Variants in MEI4 observed in about 807,000 individuals in gnomAD.
MEI4 encodes the protein meiotic double-stranded break formation protein 4, also known as meiosis-specific protein MEI4.
In MEI4, 27 loss-of-function variants were observed where a neutral mutation model predicts 31.4. The ratio of observed to expected loss-of-function variants is 0.86; its 90% CI spans 0.63 to 1.19. The LOEUF is 1.19. Among genes scored for constraint, MEI4 ranks in the 50% most tolerant of loss-of-function variants. MEI4 has a pLI of 0.00. For synonymous variants in MEI4, 122 were observed against 145.4 expected (o/e 0.84, Z 1.16); for missense variants, 329 against 398.9 (o/e 0.82, Z 1.49).
At chr6:77,702,360 T>C (rs890669314) in intron 2 of MEI4, among the ~76,000 whole-genome samples, 1 of 152,190 alleles carries the variant, frequency 6.6e-6, no homozygotes, top group African/African-American at 2.4e-5. Context: ...AGCATTTCTC[T>C]CTCAGTTCCC....
chr6:77,785,557 C>T (rs1444702979), intron 3 of MEI4, among the ~76,000 whole-genome samples: 3 of 152,106 alleles, frequency 2.0e-5, no homozygotes, highest in African/African-American at 7.2e-5. Flanking sequence ...GACTCTAGTA[C>T]ATAATTCTGC....
intron 2 of MEI4, among the ~76,000 whole-genome samples, chr6:77,716,513 C>T (rs1294128473): frequency 6.6e-6 from 1 of 152,024 alleles, no homozygotes; most frequent in Non-Finnish European, 1.5e-5. Context: ...CACTGGGCTC[C>T]ATCATGAGAC....
intron 1 of MEI4, among the ~76,000 whole-genome samples, chr6:77,670,769 C>T (rs1768723811): frequency 6.6e-6 from 1 of 152,112 alleles, no homozygotes; most frequent in African/African-American, 2.4e-5. Context: ...TACCTTTTCT[C>T]TTCATCTTAC....
At chr6:77,851,192 C>T (rs376554894) in intron 4 of MEI4, among the ~76,000 whole-genome samples, 1 of 152,126 alleles carries the variant, frequency 6.6e-6, no homozygotes, top group East Asian at 1.9e-4. Context: ...GTTGGTGGGA[C>T]TGTAAACTAG....
rs143206514 is a variant in MEI4, at chr6:77,865,033, C to T, written c.900+35971C>T. Among the ~76,000 whole-genome samples, 1,167 of 152,130 alleles carry T rather than the reference C, an allele frequency of 7.7e-3. 16 individuals are homozygous for T. The highest frequency in any genetic ancestry group is 0.024 in the African/African-American group (1,007 of 41,500). On this transcript the variant is annotated intron_variant, in intron 4 of 4. Transcript: ENST00000684080. ...AAGTAAATATGTTCTTTGAAACCAA[C>T]GAGAACAAAGACACAACATACCAGA...
upstream of MEI4, among the ~76,000 whole-genome samples, chr6:77,652,527 G>A (rs1768318182): frequency 6.6e-6 from 1 of 152,122 alleles, no homozygotes; most frequent in Non-Finnish European, 1.5e-5. Context: ...TTCAGGGAAC[G>A]ACATTGAAAG....
intron 3 of MEI4, among the ~76,000 whole-genome samples, chr6:77,803,797 A>C (rs769404861): frequency 4.6e-5 from 7 of 152,120 alleles, no homozygotes; most frequent in Non-Finnish European, 1.0e-4. Context: ...GATATTGGTG[A>C]ACAGCAAATG....
At chr6:77,913,114 A>G (rs999333904) in intron 4 of MEI4, among the ~76,000 whole-genome samples, 9 of 152,100 alleles carry the variant, frequency 5.9e-5, no homozygotes, top group African/African-American at 2.2e-4. Flanking sequence ...GTATTGAACT[A>G]TCCTTGCATT....
At chr6:77,851,447 G>A (rs1425128929) in intron 4 of MEI4, among the ~76,000 whole-genome samples, 2 of 151,972 alleles carry the variant, frequency 1.3e-5, no homozygotes, top group Non-Finnish European at 1.5e-5. Flanking sequence ...ATGGAATACT[G>A]TGCAGCCATA....
intron 3 of MEI4, among the ~76,000 whole-genome samples, chr6:77,762,307 T>C (rs1328842657): frequency 1.3e-5 from 2 of 152,222 alleles, no homozygotes; most frequent in African/African-American, 4.8e-5. Context: ...AAAGATTTAC[T>C]CAGGGATTCT....
At chr6:77,881,868 A>G (rs140479700) in intron 4 of MEI4, among the ~76,000 whole-genome samples, 1,805 of 152,378 alleles carry the variant, frequency 0.012, 13 homozygotes, top group Middle Eastern at 0.027. Context: ...GGTCATTTGC[A>G]TACATTCCTA....
upstream of MEI4, among the ~76,000 whole-genome samples, chr6:77,651,844 T>C (rs987116865): frequency 1.3e-5 from 2 of 152,184 alleles, no homozygotes; most frequent in African/African-American, 4.8e-5. Context: ...TTTTTTATTC[T>C]TTTTTTGTGA....
At chr6:77,790,483 C>G (rs1436586052) in intron 3 of MEI4, among the ~76,000 whole-genome samples, 1 of 151,924 alleles carries the variant, frequency 6.6e-6, no homozygotes, top group East Asian at 1.9e-4. Flanking sequence ...GTGATGGCCA[C>G]ACTAGATGTC....
chr6:77,873,611 A>G (rs1761666277), intron 4 of MEI4, among the ~76,000 whole-genome samples: 1 of 152,216 alleles, frequency 6.6e-6, no homozygotes, highest in African/African-American at 2.4e-5. Flanking sequence ...TAGTTGAATT[A>G]GATCCCATTT....
At chr6:77,817,999 T>C (rs1403510132) in intron 3 of MEI4, among the ~76,000 whole-genome samples, 2 of 152,232 alleles carry the variant, frequency 1.3e-5, no homozygotes, top group Non-Finnish European at 2.9e-5. Flanking sequence ...GCAGAGATTT[T>C]AGCCAGTGTA....
chr6:77,829,622 G>T (rs1291983734), intron 4 of MEI4, among the ~76,000 whole-genome samples: 3 of 152,112 alleles, frequency 2.0e-5, no homozygotes, highest in Non-Finnish European at 4.4e-5. Flanking sequence ...CCTTTTATCT[G>T]TGGAAAGTCT....
Position 77,924,784 on chromosome 6 carries a change from GTCAAAGTACA to G in MEI4, c.*1444_*1453del, listed in dbSNP as rs2127744553. ...ATTAGCACTTCCATCCACATGCATT[GTCAAAGTACA>G]TCAAATGGTCAAGCCCAAAGAAAAG... On this transcript the variant is annotated 3_prime_UTR_variant, in exon 5 of 5. Coordinates refer to ENST00000684080, the MANE Select transcript of MEI4 (RefSeq NM_001322247.2). 1 of 151,938 alleles carries G rather than the reference GTCAAAGTACA, an allele frequency of 6.6e-6. No individual in the cohort carries two copies. The highest frequency in any genetic ancestry group is 2.1e-4 in the South Asian group (1 of 4,812). The allele number at this position is 151,938 out of a possible 1,614,324, so 9.4% of individuals were successfully genotyped here.
At chr6:77,657,707 C>T (rs149597248) in intron 1 of MEI4, among the ~76,000 whole-genome samples, 2,854 of 152,232 alleles carry the variant, frequency 0.019, 86 homozygotes, top group African/African-American at 0.06. Context: ...CTTCCCTACC[C>T]TATTTTCTTT....
intron 2 of MEI4, among the ~76,000 whole-genome samples, chr6:77,736,606 A>G (rs1488517390): frequency 5.9e-5 from 9 of 152,044 alleles, no homozygotes; most frequent in African/African-American, 1.9e-4. Context: ...TGCGTCGCTC[A>G]TGCTGGGAGC....
Sources: gnomAD v4.1 joint callset for allele counts (sites outside exome capture counted in the v4.1 genomes callset) on GRCh38, gnomAD v4.1.1 for gene constraint, MANE v1.5 for transcripts, NCBI Gene and HGNC (gene_info 2026-07-23, HGNC 2026-07-21) for gene names.